Variants in UTP25 observed in about 807,000 individuals in gnomAD.
UTP25 encodes the protein UTP25 small subunit processome component.
UTP25 carries 50 observed loss-of-function variants against 78.9 expected under a neutral mutation model. The ratio of observed to expected loss-of-function variants is 0.63; its 90% CI spans 0.50 to 0.80. UTP25 has a LOEUF of 0.80. Among genes scored for constraint, UTP25 ranks in the 30% least tolerant of loss-of-function variants. The pLI, the probability that UTP25 is intolerant of heterozygous loss-of-function variation, is 0.00. For synonymous variants in UTP25, 329 were observed against 336.5 expected (o/e 0.98, Z 0.24); for missense variants, 846 against 911.3 (o/e 0.93, Z 0.92).
At chr1:209,842,798 C>A in intron 10 of UTP25, 103 bp downstream of exon 10, 1 of 772,070 alleles carries the variant, frequency 1.3e-6, no homozygotes, top group Non-Finnish European at 2.2e-6. Flanking sequence ...TTGATAACTA[C>A]CAAATCAGTT....
intron 5 of UTP25, among the ~76,000 whole-genome samples, chr1:209,835,409 A>G (rs1208518365): frequency 1.3e-5 from 2 of 152,204 alleles, no homozygotes; most frequent in Non-Finnish European, 2.9e-5. Context: ...TTGGAGACCA[A>G]CATCTTCAAG....
At position 209,839,813 on chromosome 1, in the gene UTP25, C is replaced by T. The variant is rs150253632; in HGVS notation, c.1282+685C>T. On this transcript the variant is annotated intron_variant, in intron 7 of 11. Transcript: ENST00000491415. The stretch of plus-strand genomic sequence containing the variant: ...TATAGTTCCCATTGCTAAGGAAATC[C>T]AGCCTACGACAGAGCAGGCAGTGCA... Among the ~76,000 whole-genome samples the T allele has an allele frequency of 1.2e-3, 185 of 152,202 alleles. 3 individuals carry two copies. Among genetic ancestry groups the T allele is most frequent in the Admixed American group, 2.2e-3 (33 of 15,296 alleles).
At chr1:209,838,248 G>A (rs2078145286) in intron 6 of UTP25, among the ~76,000 whole-genome samples, 2 of 152,206 alleles carry the variant, frequency 1.3e-5, no homozygotes. Flanking sequence ...GTTTACAATA[G>A]GAAATTAGAA....
intron 11 of UTP25, among the ~76,000 whole-genome samples, chr1:209,850,580 A>ACAC (rs1395669720): frequency 6.6e-6 from 1 of 152,198 alleles, no homozygotes; most frequent in Non-Finnish European, 1.5e-5. Flanking sequence ...CCTTGGGTGT[A>ACAC]CACCACCCCC....
At chr1:209,839,459 T>C (rs140254807) in intron 7 of UTP25, among the ~76,000 whole-genome samples, 1 of 152,232 alleles carries the variant, frequency 6.6e-6, no homozygotes, top group Non-Finnish European at 1.5e-5. Flanking sequence ...TTCTCTAGGA[T>C]GTTGGAAGTG....
chr1:209,839,373 C>T (rs1351136026), intron 7 of UTP25, among the ~76,000 whole-genome samples: 2 of 152,146 alleles, frequency 1.3e-5, no homozygotes, highest in Non-Finnish European at 2.9e-5. Context: ...ACATTTATAA[C>T]AGAAATTTAT....
At chr1:209,850,290 T>C (rs1160619880) in intron 11 of UTP25, among the ~76,000 whole-genome samples, 4 of 152,108 alleles carry the variant, frequency 2.6e-5, no homozygotes, top group Non-Finnish European at 4.4e-5. Flanking sequence ...TCCTTCTTTA[T>C]GGAAAGGATG....
chr1:209,853,420 G>A lies in UTP25; in HGVS notation c.*1973G>A, dbSNP rs2078252761. ...TGCCCAGGCTGGAGTACACTGGCAT[G>A]ATCTTGGCTTACTGCAATCTGTGCC... is the stretch of plus-strand genomic sequence containing the variant. On this transcript the variant is annotated 3_prime_UTR_variant, in exon 12 of 12. Coordinates refer to ENST00000491415, the MANE Select transcript of UTP25 (RefSeq NM_014388.7). 6.6e-6 allele frequency: 1 copy of A among 151,032 alleles called. No individual in the cohort carries two copies. Among genetic ancestry groups the A allele is most frequent in the Non-Finnish European group, 1.5e-5 (1 of 67,984 alleles). 9.4% of individuals were successfully genotyped at this position (151,032 alleles called of 1,614,324 possible). A position where few individuals can be genotyped will look rare whatever the true frequency, so the allele number is the denominator to read the frequency against.
rs779672408 is a variant in UTP25 at position 209,843,630 on chromosome 1, G to A, written c.1961G>A (p.Arg654Lys). 1 of 1,614,158 alleles carries A rather than the reference G, an allele frequency of 6.2e-7. No homozygotes were observed. ...CAGAAGTCTGGTGTCTCCAGGGCCA[G>A]ACACTTCTTCCTTCAAGGAGAGAAA... The part of the protein sequence containing the change: ...YTQKSGVSRA[R>K]HFFLQGEKQF... The change falls in exon 11 of 12, where the codon AGA becomes AAA. Residue 654 changes from arginine to lysine, a missense_variant. Physicochemically the swap from Arg to Lys is conservative, Grantham distance 26 (BLOSUM62 2). Transcript: ENST00000491415.
At position 209,856,456 on chromosome 1, in the gene UTP25, G is replaced by T. The variant is rs913472562; in HGVS notation, c.*5009G>T. On this transcript the variant is annotated 3_prime_UTR_variant, in exon 12 of 12. Coordinates refer to ENST00000491415, the MANE Select transcript of UTP25 (RefSeq NM_014388.7). Reference sequence around the variant, plus strand: ...TTCCCTTTTTCCTGCCTGGAACGCAGAAGTGATGGCTGAAGCTCCTGAGGC... The same window carrying T: ...TTCCCTTTTTCCTGCCTGGAACGCATAAGTGATGGCTGAAGCTCCTGAGGC... The T allele has an allele frequency of 6.6e-6, 1 of 152,262 alleles. No homozygotes were observed. Among genetic ancestry groups the T allele is most frequent in the African/African-American group, 2.4e-5 (1 of 41,442 alleles). The allele number at this position is 152,262 out of a possible 1,614,324, so 9.4% of individuals were successfully genotyped here. A position where few individuals can be genotyped will look rare whatever the true frequency, so the allele number is the denominator to read the frequency against.
At position 209,857,247 on chromosome 1, in the gene UTP25, T is replaced by C. The variant is rs888519163; in HGVS notation, c.*5800T>C. On this transcript the variant is annotated 3_prime_UTR_variant, in exon 12 of 12. Coordinates refer to ENST00000491415, the MANE Select transcript of UTP25 (RefSeq NM_014388.7). ...AGCTGTACGGTACAAATTTTTTTTT[T>C]CCCCACTTAAGGCTCAACTATTGGA... is the stretch of plus-strand genomic sequence containing the variant. The C allele has an allele frequency of 4.8e-4, 73 of 152,056 alleles. No homozygotes were observed. The highest frequency in any genetic ancestry group is 9.6e-4 in the East Asian group (5 of 5,192). The allele number at this position is 152,056 out of a possible 1,614,324, so 9.4% of individuals were successfully genotyped here.
chr1:209,843,625 G>T lies in UTP25; in HGVS notation c.1956G>T (p.Arg652Ser), dbSNP rs755903444. 5.0e-6 allele frequency: 8 copies of T among 1,613,870 alleles called. No individual in the cohort carries two copies. The African/African-American group carries it at 9.3e-5, about 19-fold the overall frequency. ...ACACGCAGAAGTCTGGTGTCTCCAG[G>T]GCCAGACACTTCTTCCTTCAAGGAG... ...CEYTQKSGVS[R>S]ARHFFLQGEK... The change falls in exon 11 of 12, where the codon AGG (arginine) becomes AGT (serine). Residue 652 changes from arginine to serine, a missense_variant. Arg to Ser is a moderately radical substitution (Grantham distance 110). Coordinates refer to ENST00000491415, the MANE Select transcript of UTP25 (RefSeq NM_014388.7).
intron 10 of UTP25, 91 bp from the exon 11 acceptor site, chr1:209,843,360 C>A: frequency 6.8e-7 from 1 of 1,477,460 alleles, no homozygotes; most frequent in East Asian, 2.3e-5. Context: ...TCTTTTAACA[C>A]GAGATTGTAA....
chr1:209,847,803 G>A (rs1327940997), intron 11 of UTP25, among the ~76,000 whole-genome samples: 1 of 152,158 alleles, frequency 6.6e-6, no homozygotes, highest in Non-Finnish European at 1.5e-5. Flanking sequence ...TGGTTCCAGT[G>A]GGTTGAGACC....
chr1:209,848,871 AG>A (rs1406570030), intron 11 of UTP25, among the ~76,000 whole-genome samples: 6 of 152,208 alleles, frequency 3.9e-5, no homozygotes, highest in South Asian at 2.1e-4. Flanking sequence ...CCCCTTCCGT[AG>A]GCCACTGGTG....
chr1:209,848,790 CTTTT>C (rs1489981904), intron 11 of UTP25, among the ~76,000 whole-genome samples: 1 of 152,144 alleles, frequency 6.6e-6, no homozygotes, highest in Non-Finnish European at 1.5e-5. Flanking sequence ...TCTTTTCTTG[CTTTT>C]TTGTGTCTTC....
rs1183462003 is a variant in UTP25 at position 209,854,916 on chromosome 1, T to G, written c.*3469T>G. On this transcript the variant is annotated 3_prime_UTR_variant, in exon 12 of 12. Transcript: ENST00000491415. ...AGCCATCCTCTCCTTCCAGTCCCTT[T>G]CCCATCTTTTCTCTCAAAGGAGCAT... 1 of 152,196 alleles carries G rather than the reference T, an allele frequency of 6.6e-6. No individual in the cohort carries two copies. The highest frequency in any genetic ancestry group is 1.5e-5 in the Non-Finnish European group (1 of 68,054). The allele number at this position is 152,196 out of a possible 1,614,324, so 9.4% of individuals were successfully genotyped here.
chr1:209,830,089 AT>A lies in UTP25; in HGVS notation c.108-17del, dbSNP rs1322399755. 2 of 1,611,226 alleles carry A rather than the reference AT, an allele frequency of 1.2e-6. No individual in the cohort carries two copies. Among genetic ancestry groups the A allele is most frequent in the Non-Finnish European group, 1.7e-6 (2 of 1,178,274 alleles). On this transcript the variant is annotated intron_variant, in intron 1 of 11. Coordinates refer to ENST00000491415, the MANE Select transcript of UTP25 (RefSeq NM_014388.7). ...TACATACTAGTAGTTAGAATGTAAC[AT>A]TGCCTGTTTCTTTTTAGGGTTTCCA...
intron 7 of UTP25, among the ~76,000 whole-genome samples, chr1:209,839,726 C>A (rs2078155703): frequency 6.6e-6 from 1 of 152,190 alleles, no homozygotes; most frequent in Non-Finnish European, 1.5e-5. Flanking sequence ...TATTGAGTAT[C>A]TACAGTGTGC....
Sources: allele counts gnomAD v4.1 joint callset (sites outside exome capture counted in the v4.1 genomes callset), GRCh38; gene constraint gnomAD v4.1.1; transcripts MANE v1.5; gene names NCBI Gene and HGNC (gene_info 2026-07-23, HGNC 2026-07-21).